The following MEGF11 variants were observed in gnomAD, a reference collection of about 807,000 sequenced individuals.
MEGF11 encodes the protein multiple EGF like domains 11.
A neutral mutation model predicts 146.6 loss-of-function variants in MEGF11; 126 were observed. That is an observed-to-expected ratio of 0.86 (90% confidence interval 0.74 to 1.00). The LOEUF (loss-of-function observed/expected upper bound fraction) is 1.00. Ranked by LOEUF, MEGF11 falls within the 50% of genes least tolerant of loss-of-function variation. The pLI is 0.00. For synonymous variants in MEGF11, 532 were observed against 583.4 expected, an observed-to-expected ratio of 0.91 and a Z score of 1.27; for missense variants, 1,509 against 1,521.2, an observed-to-expected ratio of 0.99 and a Z score of 0.13.
intron 1 of MEGF11, among the ~76,000 whole-genome samples, chr15:66,180,366 C>T (rs777208653): frequency 2.0e-5 from 3 of 152,136 alleles, no homozygotes; most frequent in Non-Finnish European, 4.4e-5. Context: ...AACCAAAGAC[C>T]CTCCACGTCC....
chr15:66,206,890 G>C (rs899747201), intron 1 of MEGF11, among the ~76,000 whole-genome samples: 2 of 152,122 alleles, frequency 1.3e-5, no homozygotes, highest in Admixed American at 1.3e-4. Context: ...GCAACAGAGA[G>C]AGACTTAAAA....
At position 65,982,577 on chromosome 15, in the gene MEGF11, ATCTTTG is replaced by A; in HGVS notation, c.395-95_395-90del. 5.1e-6 allele frequency: 7 copies of A among 1,382,434 alleles called. No homozygotes were observed. Among genetic ancestry groups the A allele is most frequent in the Non-Finnish European group, 6.6e-6 (7 of 1,064,532 alleles). The allele number at this position is 1,382,434 out of a possible 1,614,324, so 85.6% of individuals were successfully genotyped here. A position where few individuals can be genotyped will look rare whatever the true frequency, so the allele number is the denominator to read the frequency against. On this transcript the variant is annotated intron_variant, in intron 5 of 25. Transcript: ENST00000395614. The surrounding 1 kb of genome is among the most constrained non-coding windows in gnomAD (Gnocchi z 5.6). ...GAACCGATGCCCATGCGGCCTTCCC[ATCTTTG>A]CAGCGCTGCTCCCCGGACAGGTGGC...
At chr15:66,118,357 CG>C (rs34950013) in intron 4 of MEGF11, among the ~76,000 whole-genome samples, 1 of 152,180 alleles carries the variant, frequency 6.6e-6, no homozygotes, top group African/African-American at 2.4e-5. Context: ...GCTCCTGCTC[CG>C]GGGTGCCTCC....
intron 1 of MEGF11, among the ~76,000 whole-genome samples, chr15:66,181,360 G>GT (rs985948776): frequency 9.2e-5 from 14 of 151,604 alleles, no homozygotes; most frequent in Admixed American, 1.3e-4. Context: ...TTTTGTTTTT[G>GT]TTTTTTTTCA....
intron 4 of MEGF11, among the ~76,000 whole-genome samples, chr15:66,102,317 G>A (rs1261403666): frequency 4.5e-4 from 1 of 2,212 alleles, no homozygotes; most frequent in Non-Finnish European, 5.2e-3. Flanking sequence ...AGCAAGCAGA[G>A]CCATGACTAG....
intron 10 of MEGF11, among the ~76,000 whole-genome samples, chr15:65,957,051 G>A (rs11633439): frequency 0.061 from 9,310 of 152,282 alleles, 416 homozygotes; most frequent in Non-Finnish European, 0.092. Flanking sequence ...CTATTTGTAT[G>A]AAGATGCTCA....
chr15:66,245,470 A>AT (rs1567297440), intron 1 of MEGF11, among the ~76,000 whole-genome samples: 2 of 32,624 alleles, frequency 6.1e-5, no homozygotes. Flanking sequence ...CTGTAAAAAA[A>AT]GAAAAAAAAA....
intron 2 of MEGF11, among the ~76,000 whole-genome samples, chr15:66,126,327 T>G (rs1015004747): frequency 7.9e-5 from 12 of 152,260 alleles, no homozygotes; most frequent in African/African-American, 2.9e-4. Flanking sequence ...CCCACAAGCC[T>G]TCCCCCTTGG....
intron 13 of MEGF11, among the ~76,000 whole-genome samples, chr15:65,927,511 A>G (rs1368079962): frequency 6.6e-6 from 1 of 152,246 alleles, no homozygotes; most frequent in Non-Finnish European, 1.5e-5. Context: ...AAGTACCACA[A>G]TAGGAAAAGT....
At chr15:66,141,585 T>G (rs951556069) in intron 1 of MEGF11, among the ~76,000 whole-genome samples, 3 of 151,756 alleles carry the variant, frequency 2.0e-5, no homozygotes, top group Non-Finnish European at 4.4e-5. Flanking sequence ...TTTTCTCAGT[T>G]CTCCCAAGGA....
intron 5 of MEGF11, among the ~76,000 whole-genome samples, chr15:66,057,520 T>C (rs1239657942): frequency 6.6e-6 from 1 of 152,118 alleles, no homozygotes; most frequent in East Asian, 1.9e-4. Flanking sequence ...ATATTGTTGA[T>C]ATCAGGTAGA....
At chr15:65,932,386 G>A (rs899675568) in intron 10 of MEGF11, among the ~76,000 whole-genome samples, 2 of 152,142 alleles carry the variant, frequency 1.3e-5, no homozygotes, top group African/African-American at 4.8e-5. Flanking sequence ...CTTCTGTCCT[G>A]AGGGGTGAAT....
At chr15:66,111,346 A>C (rs1170900375) in intron 4 of MEGF11, among the ~76,000 whole-genome samples, 1 of 152,244 alleles carries the variant, frequency 6.6e-6, no homozygotes, top group African/African-American at 2.4e-5. Context: ...AAACAGAGTC[A>C]GTTCCAGTGA....
At chr15:65,968,316 G>A (rs1008673617) in intron 8 of MEGF11, among the ~76,000 whole-genome samples, 3 of 152,200 alleles carry the variant, frequency 2.0e-5, no homozygotes, top group African/African-American at 4.8e-5. Flanking sequence ...AGAAGTCACT[G>A]TGCTTTGCTG....
At chr15:66,189,951 A>G (rs1205239044) in intron 1 of MEGF11, among the ~76,000 whole-genome samples, 3 of 152,214 alleles carry the variant, frequency 2.0e-5, no homozygotes, top group Admixed American at 6.5e-5. Flanking sequence ...ACTGCACTCC[A>G]GCCTGGGTGA....
At chr15:66,050,430 A>G (rs879565111) in intron 5 of MEGF11, among the ~76,000 whole-genome samples, 9 of 152,222 alleles carry the variant, frequency 5.9e-5, no homozygotes, top group Admixed American at 4.6e-4. Context: ...GCAGTGAGCC[A>G]TGTGGAGGCA....
In MEGF11 at chr15:66,134,723, G is replaced by A. The variant is rs147303129; in HGVS notation, c.-8-6312C>T. On this transcript the variant is annotated intron_variant, in intron 1 of 25. Coordinates refer to ENST00000395614, the MANE Select transcript of MEGF11 (RefSeq NM_001385028.1). ...ACAGGGGCCCAGCGGGGAGAAGGGCGCTGAGGGAGGGAGCCCTCGAGAATC... is the reference window on the plus strand; with the variant it reads ...ACAGGGGCCCAGCGGGGAGAAGGGCACTGAGGGAGGGAGCCCTCGAGAATC... Among the ~76,000 whole-genome samples the A allele has an allele frequency of 4.8e-3, 738 of 152,368 alleles. 6 individuals are homozygous for A. Among genetic ancestry groups the A allele is most frequent in the African/African-American group, 0.017 (698 of 41,586 alleles).
chr15:65,910,108 G>A (rs1469536329), intron 21 of MEGF11: 2 of 542,680 alleles, frequency 3.7e-6, no homozygotes, highest in Non-Finnish European at 7.0e-6. Context: ...CTGGGGGGTG[G>A]GGCTGAGCTT....
chr15:66,073,595 C>T (rs1173426015), intron 5 of MEGF11, among the ~76,000 whole-genome samples: 1 of 152,212 alleles, frequency 6.6e-6, no homozygotes, highest in Non-Finnish European at 1.5e-5. Flanking sequence ...TTTTCAATGC[C>T]CATCATGGTC....
Sources: gnomAD v4.1 joint callset for allele counts (sites outside exome capture counted in the v4.1 genomes callset) on GRCh38, gnomAD v4.1.1 for gene constraint, Gnocchi (gnomAD v3.1) non-coding constraint, MANE v1.5 for transcripts, NCBI Gene and HGNC (gene_info 2026-07-23, HGNC 2026-07-21) for gene names.